The following SETDB2 variants were observed in gnomAD, a reference collection of about 807,000 sequenced individuals.
SETDB2 encodes the protein SET domain bifurcated histone lysine methyltransferase 2.
Under a neutral mutation model 82.5 loss-of-function variants are expected in SETDB2, and 56 were observed. The observed-to-expected ratio is 0.68, with a 90% CI of 0.55 to 0.85. SETDB2 has a LOEUF of 0.85. Among genes scored for constraint, SETDB2 ranks in the 40% least tolerant of loss-of-function variants. The pLI is 0.00. For missense variants in SETDB2, 677 were observed against 816.4 expected (o/e 0.83, Z 2.08); for synonymous variants, 272 against 284.9 (o/e 0.95, Z 0.46).
intron 8 of SETDB2, chr13:49,482,376 A>G: frequency 1.1e-6 from 1 of 950,122 alleles, no homozygotes; most frequent in Non-Finnish European, 1.3e-6. Context: ...GTTTCAGATG[A>G]TAACGCCTTT....
At chr13:49,480,724 A>ACC (rs1465205796) in intron 7 of SETDB2, among the ~76,000 whole-genome samples, 131 of 152,326 alleles carry the variant, frequency 8.6e-4, no homozygotes, top group African/African-American at 3.2e-3. Context: ...TTGTCATATA[A>ACC]TCCCCATTTT....
chr13:49,454,859 G>C (rs1957851370), intron 2 of SETDB2, among the ~76,000 whole-genome samples: 1 of 151,850 alleles, frequency 6.6e-6, no homozygotes, highest in African/African-American at 2.4e-5. Context: ...CTAAGCCAGT[G>C]GTTCTCAATT....
rs1039078010 is a variant in SETDB2 at position 49,480,139 on chromosome 13, A to G, written c.870-80A>G. 7 of 872,676 alleles carry G rather than the reference A, an allele frequency of 8.0e-6. No individual in the cohort carries two copies. The African/African-American group carries it at 1.0e-4, about 13-fold the overall frequency. The allele number at this position is 872,676 out of a possible 1,614,324, so 54.1% of individuals were successfully genotyped here. A position where few individuals can be genotyped will look rare whatever the true frequency, so the allele number is the denominator to read the frequency against. On this transcript the variant is annotated intron_variant, in intron 6 of 13. Transcript: ENST00000611815. ...ATGCTATTACATCTTTTATTACATC[A>G]TTTACACATTTATCAAGACAGTCTC...
intron 1 of SETDB2, among the ~76,000 whole-genome samples, chr13:49,447,194 G>T (rs989437104): frequency 5.3e-5 from 8 of 152,022 alleles, no homozygotes; most frequent in African/African-American, 1.7e-4. Flanking sequence ...TTCTTTATGT[G>T]TCCTCGATAC....
At chr13:49,471,420 C>CTTT (rs200346844) in intron 5 of SETDB2, among the ~76,000 whole-genome samples, 17 of 132,776 alleles carry the variant, frequency 1.3e-4, no homozygotes, top group African/African-American at 4.7e-4. Context: ...TCTGAATTCC[C>CTTT]TTTTTTTTTT....
intron 6 of SETDB2, among the ~76,000 whole-genome samples, chr13:49,478,336 A>G (rs1205754605): frequency 6.6e-6 from 1 of 152,308 alleles, no homozygotes; most frequent in East Asian, 1.9e-4. Flanking sequence ...CCTGCACAAG[A>G]CTAGGAACTA....
chr13:49,485,288 G>C (rs1409882583), intron 10 of SETDB2, among the ~76,000 whole-genome samples: 1 of 152,198 alleles, frequency 6.6e-6, no homozygotes, highest in African/African-American at 2.4e-5. Flanking sequence ...ACTTACAGTT[G>C]AAGGCAAATT....
chr13:49,489,854 C>T (rs1183355715), intron 12 of SETDB2, among the ~76,000 whole-genome samples: 1 of 148,696 alleles, frequency 6.7e-6, no homozygotes, highest in Non-Finnish European at 1.5e-5. Context: ...CCTCGGCCTC[C>T]CAAAGTGCTG....
chr13:49,464,303 A>G (rs545667512), intron 4 of SETDB2, among the ~76,000 whole-genome samples: 16 of 152,302 alleles, frequency 1.1e-4, no homozygotes, highest in Non-Finnish European at 1.6e-4. Flanking sequence ...GGGAGGATCG[A>G]TTTTTAGACA....
chr13:49,454,557 A>G (rs180887680), intron 2 of SETDB2, among the ~76,000 whole-genome samples: 38 of 152,358 alleles, frequency 2.5e-4, no homozygotes, highest in Admixed American at 1.8e-3. Context: ...TACTTAGGTC[A>G]GTACCTTTTC....
intron 5 of SETDB2, 113 bp from the exon 6 acceptor site, chr13:49,476,363 A>G (rs972667616): frequency 8.1e-6 from 6 of 738,132 alleles, no homozygotes; most frequent in Non-Finnish European, 1.1e-5. Context: ...TGTGTATCTT[A>G]GAGTCTGGCT....
chr13:49,485,738 T>C lies in SETDB2; in HGVS notation c.1576+15T>C, dbSNP rs1958584927. The stretch of plus-strand genomic sequence containing the variant: ...GGGAGCACAAAGTAGGCTTTGTTTC[T>C]TCTGTGAATGCCTACCTCTTCTGCC... On this transcript the variant is annotated intron_variant, in intron 11 of 13. Coordinates refer to ENST00000611815, the MANE Select transcript of SETDB2 (RefSeq NM_001160308.3). 1 of 1,593,532 alleles carries C rather than the reference T, an allele frequency of 6.3e-7. No homozygotes were observed. The highest frequency in any genetic ancestry group is 1.3e-5 in the African/African-American group (1 of 74,680).
At chr13:49,487,345 T>G (rs1258941592) in intron 11 of SETDB2, among the ~76,000 whole-genome samples, 1 of 152,156 alleles carries the variant, frequency 6.6e-6, no homozygotes, top group East Asian at 1.9e-4. Flanking sequence ...TTTCTTTTTT[T>G]TTTAAAGAGA....
intron 12 of SETDB2, among the ~76,000 whole-genome samples, chr13:49,490,130 A>G (rs1480583446): frequency 6.6e-6 from 1 of 151,258 alleles, no homozygotes; most frequent in Non-Finnish European, 1.5e-5. Context: ...TACAAAAAAA[A>G]TTAGCCGTGT....
chr13:49,481,253 C>A, intron 8 of SETDB2, 137 bp downstream of exon 8: 2 of 712,078 alleles, frequency 2.8e-6, no homozygotes, highest in South Asian at 2.4e-5. Context: ...CAGAGAAAGG[C>A]AGGTAAACTG....
At chr13:49,475,788 G>A (rs1454913437) in intron 5 of SETDB2, among the ~76,000 whole-genome samples, 2 of 151,378 alleles carry the variant, frequency 1.3e-5, no homozygotes, top group East Asian at 1.9e-4. Flanking sequence ...ACACCCTGCC[G>A]ACTTTTTTTT....
At chr13:49,489,596 CT>C (rs58715452) in intron 12 of SETDB2, among the ~76,000 whole-genome samples, 41 of 100,570 alleles carry the variant, frequency 4.1e-4, no homozygotes, top group Admixed American at 6.9e-4. Flanking sequence ...CATATTTATT[CT>C]TTTTTTTTTT....
intron 12 of SETDB2, among the ~76,000 whole-genome samples, chr13:49,490,137 G>A (rs73188686): frequency 0.075 from 11,256 of 151,070 alleles, 797 homozygotes; most frequent in African/African-American, 0.18. Context: ...AAAATTAGCC[G>A]TGTGTCATGG....
intron 5 of SETDB2, among the ~76,000 whole-genome samples, chr13:49,471,936 T>TATATATATATATA (rs71664753): frequency 2.0e-4 from 19 of 95,824 alleles, no homozygotes; most frequent in East Asian, 1.4e-3. Flanking sequence ...ATATATATAT[T>TATATATATATATA]TTTTTTTTTT....
Sources: allele counts gnomAD v4.1 joint callset (sites outside exome capture counted in the v4.1 genomes callset), GRCh38; gene constraint gnomAD v4.1.1; transcripts MANE v1.5; gene names NCBI Gene and HGNC (gene_info 2026-07-23, HGNC 2026-07-21).